Variants in HIP1 observed in about 807,000 individuals in gnomAD.
HIP1 encodes the protein huntingtin interacting protein 1.
In HIP1, 65 loss-of-function variants were observed where a neutral mutation model predicts 147.6. The ratio of observed to expected loss-of-function variants is 0.44; its 90% CI spans 0.36 to 0.54. The LOEUF (loss-of-function observed/expected upper bound fraction) is 0.54, where lower values mean the gene tolerates loss of function less well. Ranked by LOEUF, HIP1 falls within the 20% of genes least tolerant of loss-of-function variation. The pLI, the probability that HIP1 is intolerant of heterozygous loss-of-function variation, is 0.00. For missense variants in HIP1, 1,061 were observed against 1,299.6 expected (o/e 0.82, Z 2.82); for synonymous variants, 479 against 504.0 (o/e 0.95, Z 0.67).
intron 1 of HIP1, among the ~76,000 whole-genome samples, chr7:75,624,017 G>A (rs1420840464): frequency 3.3e-5 from 5 of 152,168 alleles, no homozygotes; most frequent in Non-Finnish European, 5.9e-5. Flanking sequence ...GAAGGTCAAC[G>A]CTGCAGTGAG....
intron 1 of HIP1, among the ~76,000 whole-genome samples, chr7:75,701,670 C>T (rs1169247591): frequency 2.6e-5 from 4 of 152,070 alleles, no homozygotes; most frequent in African/African-American, 4.8e-5. Context: ...GGCAACAGAG[C>T]AAGACTCTGT....
chr7:75,624,922 T>C (rs908908959), intron 1 of HIP1, among the ~76,000 whole-genome samples: 41 of 149,556 alleles, frequency 2.7e-4, no homozygotes, highest in Admixed American at 2.7e-4. Flanking sequence ...TGTACATAGG[T>C]GTATTTTTGT....
At position 75,542,875 on chromosome 7, in the gene HIP1, C is replaced by A. The variant is rs782738185; in HGVS notation, c.2866G>T (p.Gly956Cys). The A allele has an allele frequency of 1.9e-6, 3 of 1,613,932 alleles. No homozygotes were observed. Among genetic ancestry groups the A allele is most frequent in the Admixed American group, 1.7e-5 (1 of 59,982 alleles). The stretch of plus-strand genomic sequence containing the variant: ...CCTGTCTCTTCGATCTGTGATTTGC[C>A]GGAAATGGTTGAGGCCACAACGCCG... ...TAGVVASTISGKSQIEETDNM... is the reference protein window; with the variant it reads ...TAGVVASTISCKSQIEETDNM... The change falls in exon 28 of 31, where the codon GGC (glycine) becomes TGC (cysteine). Residue 956 changes from glycine to cysteine, a missense_variant. This residue lies in a region of HIP1 where 810 missense variants were observed against 946.8 expected (regional missense o/e 0.86). Transcript: ENST00000336926.
rs981202899 is a variant in HIP1 at position 75,559,639 on chromosome 7, C to T, written c.1375+93G>A. ...TCTAGAAAGACAGTCTGGGTCTCCC[C>T]CACCCAGCCTCTGTGCCGCATCCTG... On this transcript the variant is annotated intron_variant, in intron 14 of 30. Coordinates refer to ENST00000336926, the MANE Select transcript of HIP1 (RefSeq NM_005338.7). The T allele has an allele frequency of 2.1e-5, 22 of 1,026,642 alleles. No homozygotes were observed. In the East Asian group the frequency reaches 5.2e-4, roughly 24 times the overall value. The allele number at this position is 1,026,642 out of a possible 1,614,324, so 63.6% of individuals were successfully genotyped here. A position where few individuals can be genotyped will look rare whatever the true frequency, so the allele number is the denominator to read the frequency against.
At chr7:75,594,666 C>T (rs926882936) in intron 2 of HIP1, among the ~76,000 whole-genome samples, 10 of 152,018 alleles carry the variant, frequency 6.6e-5, no homozygotes, top group East Asian at 1.9e-4. Flanking sequence ...CCCACCTACT[C>T]GGGAGGCTGA....
At chr7:75,598,428 C>CT (rs148833979) in intron 2 of HIP1, among the ~76,000 whole-genome samples, 3,040 of 143,128 alleles carry the variant, frequency 0.021, 41 homozygotes, top group African/African-American at 0.031. Context: ...CTCTCTTTTT[C>CT]TTTTTTTTTT....
intron 1 of HIP1, among the ~76,000 whole-genome samples, chr7:75,629,573 T>C (rs1798145618): frequency 6.6e-6 from 1 of 151,662 alleles, no homozygotes; most frequent in Non-Finnish European, 1.5e-5. Context: ...GATGGAGTCT[T>C]GCTCTGTCGC....
At chr7:75,711,860 A>C (rs1228345933) in intron 1 of HIP1, among the ~76,000 whole-genome samples, 1 of 152,122 alleles carries the variant, frequency 6.6e-6, no homozygotes, top group Non-Finnish European at 1.5e-5. Flanking sequence ...GGGCTCCTCC[A>C]CCAGTCCCCT....
At chr7:75,558,433 G>T (rs1795098474) in intron 14 of HIP1, among the ~76,000 whole-genome samples, 178 bp from the exon 15 acceptor site, 1 of 152,100 alleles carries the variant, frequency 6.6e-6, no homozygotes, top group Non-Finnish European at 1.5e-5. Context: ...ACCTCCTTGG[G>T]CTCAAGTCAT....
At chr7:75,651,235 C>T (rs977556555) in intron 1 of HIP1, among the ~76,000 whole-genome samples, 6 of 151,422 alleles carry the variant, frequency 4.0e-5, no homozygotes, top group Admixed American at 2.6e-4. Context: ...AGAGGCAGGC[C>T]GATCACGAGG....
At chr7:75,711,933 AGCTTGGTGAGAAGCGCACACTCATCTGG>A (rs1801177048) in intron 1 of HIP1, among the ~76,000 whole-genome samples, 1 of 152,076 alleles carries the variant, frequency 6.6e-6, no homozygotes, top group African/African-American at 2.4e-5. Context: ...AGCTCTTCTG[AGCTTGGTGAGAAGCGCACACTCATCTGG>A]GGTTACTTTC....
chr7:75,556,204 T>A (rs373293492), intron 17 of HIP1, 35 bp from the exon 18 acceptor site: 67 of 1,609,150 alleles, frequency 4.2e-5, no homozygotes, highest in Admixed American at 3.4e-5. Context: ...AGGGAGACGC[T>A]GGTTGAGTTA....
chr7:75,669,239 G>A (rs1266342318), intron 1 of HIP1, among the ~76,000 whole-genome samples: 7 of 152,130 alleles, frequency 4.6e-5, no homozygotes, highest in African/African-American at 1.4e-4. Context: ...CTGGCATGGC[G>A]GCGGGCGCCT....
At chr7:75,607,850 A>G (rs1797286971) in intron 1 of HIP1, among the ~76,000 whole-genome samples, 1 of 152,188 alleles carries the variant, frequency 6.6e-6, no homozygotes, top group Non-Finnish European at 1.5e-5. Context: ...GGCACTAGAC[A>G]AGGCCCTCTA....
At chr7:75,539,486 T>TAA (rs1794220094) in intron 29 of HIP1, 55 bp from the exon 30 acceptor site, 2 of 1,388,548 alleles carry the variant, frequency 1.4e-6, no homozygotes, top group African/African-American at 2.9e-5. Context: ...AGATTTAATT[T>TAA]TTATTTATTT....
At chr7:75,663,806 T>C (rs1473894735) in intron 1 of HIP1, among the ~76,000 whole-genome samples, 3 of 151,070 alleles carry the variant, frequency 2.0e-5, no homozygotes, top group African/African-American at 7.3e-5. Flanking sequence ...ATTTGACTTC[T>C]AGTTTTCTGA....
At chr7:75,557,631 C>G (rs1554493664) in intron 16 of HIP1, 23 bp downstream of exon 16, 1 of 1,541,628 alleles carries the variant, frequency 6.5e-7, no homozygotes, top group Non-Finnish European at 9.0e-7. Flanking sequence ...CCTCATTTCC[C>G]GAGTGCTCCT....
Position 75,723,905 on chromosome 7 carries a change from G to A in HIP1, c.120+14896C>T, listed in dbSNP as rs1801571362. Among the ~76,000 whole-genome samples, 8 of 151,752 alleles carry A rather than the reference G, an allele frequency of 5.3e-5. No individual in the cohort carries two copies. In the South Asian group the frequency reaches 1.5e-3, roughly 28 times the overall value. ...GCGGGGACTATAGGTGTGTGTCAGT[G>A]CGCCCGGCTAATTTTTTTATTATTA... On this transcript the variant is annotated intron_variant, in intron 1 of 30. Transcript: ENST00000336926.
chr7:75,571,352 G>A (rs1346240768), intron 8 of HIP1, among the ~76,000 whole-genome samples: 1 of 152,104 alleles, frequency 6.6e-6, no homozygotes, highest in African/African-American at 2.4e-5. Flanking sequence ...TAAGCAGCTG[G>A]TCCCTTCTCT....
Sources: allele counts gnomAD v4.1 joint callset (sites outside exome capture counted in the v4.1 genomes callset), GRCh38; gene constraint gnomAD v4.1.1; regional missense constraint gnomAD v4.1.1; transcripts MANE v1.5; gene names NCBI Gene and HGNC (gene_info 2026-07-23, HGNC 2026-07-21).